Variants in ANKFY1 observed in about 807,000 individuals in gnomAD.
ANKFY1 encodes ankyrin repeat and FYVE domain containing 1, also known as ankyrin repeat and FYVE domain-containing protein 1.
A neutral mutation model predicts 128.3 loss-of-function variants in ANKFY1; 47 were observed. That is an observed-to-expected ratio of 0.37 (90% CI 0.29 to 0.47). The LOEUF (loss-of-function observed/expected upper bound fraction) is 0.47, where lower values mean the gene tolerates loss of function less well. ANKFY1 is among the 20% of genes least tolerant of loss of function. The pLI is 1.00. For missense variants in ANKFY1, 1,222 were observed against 1,510.6 expected (o/e 0.81, Z 3.17); for synonymous variants, 553 against 601.6 (o/e 0.92, Z 1.18).
At chr17:4,204,986 G>A (rs2059995964) in intron 7 of ANKFY1, among the ~76,000 whole-genome samples, 1 of 152,218 alleles carries the variant, frequency 6.6e-6, no homozygotes, top group Non-Finnish European at 1.5e-5. Context: ...AAGGATACTT[G>A]TATTAAAACC....
At chr17:4,240,027 T>C (rs552409520) in intron 2 of ANKFY1, among the ~76,000 whole-genome samples, 1 of 152,064 alleles carries the variant, frequency 6.6e-6, no homozygotes, top group Admixed American at 6.6e-5. Context: ...CCCTGCTCTT[T>C]TCTCTTTACA....
intron 3 of ANKFY1, among the ~76,000 whole-genome samples, chr17:4,218,366 A>ATT (rs1386721461): frequency 3.3e-5 from 5 of 152,278 alleles, no homozygotes; most frequent in Admixed American, 2.6e-4. Flanking sequence ...CACACTGAAC[A>ATT]AATGCAATGA....
At chr17:4,211,228 A>ACC (rs2143018146) in intron 4 of ANKFY1, among the ~76,000 whole-genome samples, 1 of 151,604 alleles carries the variant, frequency 6.6e-6, no homozygotes, top group Non-Finnish European at 1.5e-5. Context: ...ACATAGCGAA[A>ACC]CCCCGTCTTT....
At chr17:4,248,009 T>C (rs1239323554) in intron 1 of ANKFY1, among the ~76,000 whole-genome samples, 2 of 152,204 alleles carry the variant, frequency 1.3e-5, no homozygotes, top group Admixed American at 1.3e-4. Flanking sequence ...AGCCCAGAGC[T>C]CGCATTCCAG....
chr17:4,252,641 T>A (rs1967902165), intron 1 of ANKFY1, among the ~76,000 whole-genome samples: 1 of 152,266 alleles, frequency 6.6e-6, no homozygotes, highest in African/African-American at 2.4e-5. Flanking sequence ...ATAACCATTC[T>A]GGAAAACAGT....
chr17:4,193,217 T>A (rs1313992537), intron 10 of ANKFY1, among the ~76,000 whole-genome samples: 1 of 152,202 alleles, frequency 6.6e-6, no homozygotes, highest in Non-Finnish European at 1.5e-5. Flanking sequence ...CAGACTTTTA[T>A]AAAAACTAGT....
At chr17:4,168,192 CCTGTAATCCCAGCA>C (rs1426530432) in intron 24 of ANKFY1, 2 of 232,888 alleles carry the variant, frequency 8.6e-6, no homozygotes, top group African/African-American at 2.3e-5. Context: ...GTGGCTCACG[CCTGTAATCCCAGCA>C]CTTTGGAAGG....
chr17:4,228,607 G>A (rs747760343), intron 3 of ANKFY1, among the ~76,000 whole-genome samples: 24 of 152,072 alleles, frequency 1.6e-4, no homozygotes, highest in Non-Finnish European at 3.2e-4. Context: ...AGTAGAGATG[G>A]GGTTTCGCCA....
intron 6 of ANKFY1, 52 bp downstream of exon 6, chr17:4,207,881 C>A: frequency 1.3e-6 from 2 of 1,507,606 alleles, no homozygotes; most frequent in Non-Finnish European, 8.9e-7. Context: ...CGGAGAAAGA[C>A]AAGTGCATTA....
At chr17:4,184,075 T>C (rs1174188166) in intron 12 of ANKFY1, among the ~76,000 whole-genome samples, 165 bp from the exon 13 acceptor site, 1 of 152,262 alleles carries the variant, frequency 6.6e-6, no homozygotes, top group Non-Finnish European at 1.5e-5. Context: ...AGAAATCTGA[T>C]ATTTTGGAGC....
intron 3 of ANKFY1, among the ~76,000 whole-genome samples, chr17:4,218,262 A>G (rs1917097867): frequency 6.6e-6 from 1 of 152,238 alleles, no homozygotes; most frequent in Non-Finnish European, 1.5e-5. Flanking sequence ...AAATGTACTA[A>G]GATGCTCAGC....
Position 4,195,020 on chromosome 17 carries a change from T to C in ANKFY1, c.1330A>G (p.Ile444Val), listed in dbSNP as rs377547904. The change falls in exon 10 of 25, where the codon ATC becomes GTC. Residue 444 changes from isoleucine (I) to valine (V), a missense_variant. Coordinates refer to ENST00000341657, the MANE Select transcript of ANKFY1 (RefSeq NM_001330063.2). ...GCGTCTGTGTGGCTGCCGCGCTGGATGAGTCTGGCTGCAAAGCTGTTCTCA... is the reference window on the plus strand; with the variant it reads ...GCGTCTGTGTGGCTGCCGCGCTGGACGAGTCTGGCTGCAAAGCTGTTCTCA... ...FDENSFAARL[I>V]QRGSHTDAPD... The C allele has an allele frequency of 1.9e-6, 3 of 1,614,220 alleles. No homozygotes were observed. Among genetic ancestry groups the C allele is most frequent in the African/African-American group, 1.3e-5 (1 of 75,042 alleles).
rs770316766 is a variant in ANKFY1, at chr17:4,263,948, C to G, written c.-7G>C. ...AAACCCTACCTTCCGCCATGTCTGG[C>G]CCGGCACTGCCTGCAACCTCGCGAG... On this transcript the variant is annotated 5_prime_UTR_variant, in exon 1 of 25. Transcript: ENST00000341657. The G allele has an allele frequency of 1.9e-6, 3 of 1,613,900 alleles. No homozygotes were observed. Among genetic ancestry groups the G allele is most frequent in the South Asian group, 1.1e-5 (1 of 91,086 alleles).
Position 4,197,353 on chromosome 17 carries a change from G to A in ANKFY1, c.1103+20C>T, listed in dbSNP as rs2143010946. ...TTCTGAGAACAGTGCTAAGGGCACA[G>A]TGTCTGCTCCCCAGCTTACCTCCCC... is the stretch of plus-strand genomic sequence containing the variant. On this transcript the variant is annotated intron_variant, in intron 8 of 24. Coordinates refer to ENST00000341657, the MANE Select transcript of ANKFY1 (RefSeq NM_001330063.2). The A allele has an allele frequency of 3.1e-6, 5 of 1,613,192 alleles. No homozygotes were observed. In the African/African-American group the frequency reaches 5.3e-5, roughly 17 times the overall value.
chr17:4,172,427 C>T (rs941810542), intron 22 of ANKFY1, 129 bp downstream of exon 22: 36 of 1,319,782 alleles, frequency 2.7e-5, no homozygotes, highest in Non-Finnish European at 3.4e-5. Flanking sequence ...GTAACTCACA[C>T]CCGGAGGGCC....
intron 1 of ANKFY1, among the ~76,000 whole-genome samples, chr17:4,256,911 A>T (rs374913762): frequency 1.3e-5 from 2 of 152,178 alleles, no homozygotes; most frequent in African/African-American, 2.4e-5. Context: ...AGCAGTGACA[A>T]TTGGGCTGGT....
intron 15 of ANKFY1, 89 bp downstream of exon 15, chr17:4,182,092 C>T: frequency 1.6e-6 from 2 of 1,268,832 alleles, no homozygotes; most frequent in South Asian, 2.8e-5. Flanking sequence ...ACAGATCTTG[C>T]TCCTGTGACA....
At chr17:4,173,482 C>T (rs1370101510) in intron 20 of ANKFY1, 38 bp from the exon 21 acceptor site, 1 of 1,596,130 alleles carries the variant, frequency 6.3e-7, no homozygotes, top group African/African-American at 1.3e-5. Context: ...AGCCCAGAAG[C>T]ACATGCAGAA....
intron 22 of ANKFY1, among the ~76,000 whole-genome samples, chr17:4,171,389 C>T (rs1231093128): frequency 1.3e-5 from 2 of 152,250 alleles, no homozygotes; most frequent in Non-Finnish European, 2.9e-5. Flanking sequence ...GGCCAACCTG[C>T]TGGCCTTCCC....
Sources: allele counts gnomAD v4.1 joint callset (sites outside exome capture counted in the v4.1 genomes callset), GRCh38; gene constraint gnomAD v4.1.1; transcripts MANE v1.5; gene names NCBI Gene and HGNC (gene_info 2026-07-23, HGNC 2026-07-21).